HSPG2: variants seen among roughly 807,000 people sequenced by gnomAD.
HSPG2 encodes the protein heparan sulfate proteoglycan 2.
In HSPG2, 278 loss-of-function variants were observed where a neutral mutation model predicts 526.6. The observed-to-expected ratio is 0.53, with a 90% confidence interval of 0.48 to 0.58. HSPG2 has a LOEUF of 0.58. HSPG2 is among the 20% of genes least tolerant of loss of function. HSPG2 has a pLI of 0.00. For synonymous variants in HSPG2, 2,465 were observed against 2,555.4 expected (o/e 0.96, Z 1.07); for missense variants, 5,354 against 6,099.5 (o/e 0.88, Z 4.07).
intron 1 of HSPG2, chr1:21,908,569 T>A: frequency 1.3e-6 from 1 of 779,584 alleles, no homozygotes; most frequent in Non-Finnish European, 2.3e-6. Flanking sequence ...TCTCTATGAA[T>A]TCACGGCATA....
Position 21,888,007 on chromosome 1 carries a change from A to C in HSPG2, c.634T>G (p.Cys212Gly). 1 of 1,613,896 alleles carries C rather than the reference A, an allele frequency of 6.2e-7. No individual in the cohort carries two copies. The highest frequency in any genetic ancestry group is 8.5e-7 in the Non-Finnish European group (1 of 1,179,950). ...AEFACHSYNE[C>G]VALEYRCDRR... The stretch of plus-strand genomic sequence containing the variant: ...TCACAGCGATACTCCAGGGCCACAC[A>C]CTCATTGTAGCTGTGGCAGGCAAAC... Residue 212 changes from cysteine to glycine, a missense_variant, in exon 7 of 97, where the codon TGT (cysteine) becomes GGT (glycine). Coordinates refer to ENST00000374695, the MANE Select transcript of HSPG2 (RefSeq NM_005529.7).
chr1:21,861,709 TCCA>T (rs1557737769), intron 39 of HSPG2, 45 bp downstream of exon 39: 1 of 1,522,522 alleles, frequency 6.6e-7, no homozygotes, highest in Admixed American at 1.7e-5. Flanking sequence ...CACTTGGGAG[TCCA>T]CCATTTGTCC....
intron 1 of HSPG2, among the ~76,000 whole-genome samples, chr1:21,924,241 C>T (rs952317670): frequency 2.6e-5 from 4 of 152,186 alleles, no homozygotes; most frequent in Non-Finnish European, 5.9e-5. Context: ...GTGGAAGCTG[C>T]CTCCAGCGTC....
At chr1:21,933,928 G>A (rs35620292) in intron 1 of HSPG2, among the ~76,000 whole-genome samples, 1,691 of 152,320 alleles carry the variant, frequency 0.011, 21 homozygotes, top group South Asian at 0.025. Flanking sequence ...CCCCAGTGAG[G>A]AAATCCAGCT....
At chr1:21,852,611 C>T (rs554362098) in intron 52 of HSPG2, 89 bp downstream of exon 52, 2 of 1,574,140 alleles carry the variant, frequency 1.3e-6, no homozygotes, top group South Asian at 1.1e-5. Context: ...GGGCCTTCTG[C>T]CCTGTCAGCA....
Position 21,855,694 on chromosome 1 carries a change from G to T in HSPG2, c.5702-19C>A. The T allele has an allele frequency of 6.3e-7, 1 of 1,585,042 alleles. No homozygotes were observed. Among genetic ancestry groups the T allele is most frequent in the Non-Finnish European group, 8.6e-7 (1 of 1,167,846 alleles). On this transcript the variant is annotated intron_variant, in intron 45 of 96. Coordinates refer to ENST00000374695, the MANE Select transcript of HSPG2 (RefSeq NM_005529.7). ...GGGCCCCCTGACGAGTAGACGTGGG[G>T]TCAGCACCCACCAAGCCTGCTCAGA...
rs1212584866 is a variant in HSPG2 at position 21,874,935 on chromosome 1, C to T, written c.3370G>A (p.Glu1124Lys). 1.2e-6 allele frequency: 2 copies of T among 1,613,000 alleles called. No individual in the cohort carries two copies. Among genetic ancestry groups the T allele is most frequent in the South Asian group, 2.2e-5 (2 of 90,802 alleles). Residue 1124 changes from glutamate (E) to lysine (K), a missense_variant, in exon 26 of 97, where the codon GAA becomes AAA. By Grantham distance (56) the Glu-to-Lys change is moderately conservative. Coordinates refer to ENST00000374695, the MANE Select transcript of HSPG2 (RefSeq NM_005529.7). ...ETGQDPALEV[E>K]QCSCPPGYRG... ...TACCCGGGTGGGCAGGAGCACTGTT[C>T]CACTTCCAGCGCGGGGTCCTGGCCG...
chr1:21,823,771 G>C (rs373736996), intron 95 of HSPG2, 52 bp from the exon 96 acceptor site: 1 of 1,420,268 alleles, frequency 7.0e-7, no homozygotes. Context: ...GGTCCTCCCC[G>C]GCCCCACGAC....
rs372259670 is a variant in HSPG2 at position 21,851,845 on chromosome 1, C to T, written c.6952G>A (p.Glu2318Lys). Residue 2318 changes from glutamate to lysine, a missense_variant, in exon 54 of 97, where the codon GAG becomes AAG. By Grantham distance (56) the Glu-to-Lys change is moderately conservative. Transcript: ENST00000374695. ...GTTACTGTGACCGTGATGGAGGCCT[C>T]CATGCCGTTGCTGGCCCGGCAGACG... is the stretch of plus-strand genomic sequence containing the variant. ...QYVCRASNGM[E>K]ASITVTVTGT... The T allele has an allele frequency of 6.8e-5, 109 of 1,613,390 alleles. No homozygotes were observed. Among genetic ancestry groups the T allele is most frequent in the Middle Eastern group, 1.6e-4 (1 of 6,084 alleles).
intron 3 of HSPG2, among the ~76,000 whole-genome samples, chr1:21,892,351 G>T (rs1166966940): frequency 6.6e-6 from 1 of 152,262 alleles, no homozygotes; most frequent in Non-Finnish European, 1.5e-5. Context: ...CAGCGCGGGC[G>T]AGGAGGCCGG....
At position 21,836,972 on chromosome 1, in the gene HSPG2, T is replaced by G; in HGVS notation, c.10185A>C (p.Pro3395=). The G allele has an allele frequency of 1.3e-6, 2 of 1,554,230 alleles. No individual in the cohort carries two copies. The highest frequency in any genetic ancestry group is 1.7e-6 in the Non-Finnish European group (2 of 1,148,962). The stretch of plus-strand genomic sequence containing the variant: ...CCTGCACGGTGGGCGTGGACCCTGC[T>G]GGGATGGAGGTGGCAGGGAGAGAGC... ...PPGSLPATSI[P]AGSTPTVQVT... is the part of the protein sequence containing the mutation. The change falls in exon 75 of 97, where the codon CCA becomes CCC. Residue 3395 remains proline (P), a synonymous_variant. Coordinates refer to ENST00000374695, the MANE Select transcript of HSPG2 (RefSeq NM_005529.7).
chr1:21,839,779 C>A lies in HSPG2; in HGVS notation c.9709+43G>T, dbSNP rs1572183977. The A allele has an allele frequency of 4.4e-6, 7 of 1,601,264 alleles. No individual in the cohort carries two copies. The highest frequency in any genetic ancestry group is 6.0e-6 in the Non-Finnish European group (7 of 1,172,254). ...TGTGTCTACATTTCAGACCCCAGGG[C>A]ATCCCTGCCCTGCCAGCCCTATGTG... On this transcript the variant is annotated intron_variant, in intron 72 of 96. Coordinates refer to ENST00000374695, the MANE Select transcript of HSPG2 (RefSeq NM_005529.7). The surrounding 1 kb of genome is among the most constrained non-coding windows in gnomAD (Gnocchi z 4.5).
chr1:21,859,871 G>A lies in HSPG2; in HGVS notation c.5146C>T (p.Arg1716Trp), dbSNP rs769854672. The stretch of plus-strand genomic sequence containing the variant: ...TGCTGGGTGCCGCTGGGCACAGGCC[G>A]CCCATCCTCACGGGACCAATAGAAG... ...HYFYWSREDG[R>W]PVPSGTQQRH... The change falls in exon 41 of 97, where the codon CGG (arginine) becomes TGG (tryptophan). Residue 1716 changes from arginine to tryptophan, a missense_variant. Transcript: ENST00000374695. This position sits in a 1 kb window ranked among gnomAD's most constrained non-coding sequence, Gnocchi z 5.3. 6.8e-6 allele frequency: 11 copies of A among 1,611,236 alleles called. No individual in the cohort carries two copies. The highest frequency in any genetic ancestry group is 2.7e-5 in the African/African-American group (2 of 74,906).
Position 21,876,422 on chromosome 1 carries a change from G to A in HSPG2, c.2827-17C>T. The stretch of plus-strand genomic sequence containing the variant: ...CCCATGCAACTGGGAGGAGGAGAAA[G>A]GGCTGGGATGGGGGCCGTGGCCTGG... On this transcript the variant is annotated splice_polypyrimidine_tract_variant and intron_variant, in intron 22 of 96. Transcript: ENST00000374695. 1 of 1,610,320 alleles carries A rather than the reference G, an allele frequency of 6.2e-7. No individual in the cohort carries two copies. Among genetic ancestry groups the A allele is most frequent in the Non-Finnish European group, 8.5e-7 (1 of 1,178,284 alleles).
rs748516523 is a variant in HSPG2, at chr1:21,824,092, C to T, written c.12899+29G>A. Reference sequence around the variant, plus strand: ...TGCCCCACTCCAGAACGCTGGGCCCCATCCCGAGTGCCCGGCAGGGTCCCT... The same window carrying T: ...TGCCCCACTCCAGAACGCTGGGCCCTATCCCGAGTGCCCGGCAGGGTCCCT... On this transcript the variant is annotated intron_variant, in intron 95 of 96. Coordinates refer to ENST00000374695, the MANE Select transcript of HSPG2 (RefSeq NM_005529.7). The surrounding 1 kb of genome is among the most constrained non-coding windows in gnomAD (Gnocchi z 5.9). The T allele has an allele frequency of 6.3e-7, 1 of 1,596,886 alleles. No individual in the cohort carries two copies. Among genetic ancestry groups the T allele is most frequent in the Non-Finnish European group, 8.6e-7 (1 of 1,168,268 alleles).
At chr1:21,933,028 G>T (rs1412218451) in intron 1 of HSPG2, among the ~76,000 whole-genome samples, 6 of 152,060 alleles carry the variant, frequency 3.9e-5, no homozygotes, top group Non-Finnish European at 7.4e-5. Context: ...AGACCTGCCT[G>T]GGGGAACATG....
At chr1:21,863,594 T>C (rs1290136957) in intron 37 of HSPG2, among the ~76,000 whole-genome samples, 2 of 148,988 alleles carry the variant, frequency 1.3e-5, no homozygotes, top group African/African-American at 5.0e-5. Context: ...AAAATATATG[T>C]AATGAGGCCA....
chr1:21,829,286 C>T (rs1007178346), intron 87 of HSPG2, 97 bp downstream of exon 87: 4 of 1,434,710 alleles, frequency 2.8e-6, no homozygotes, highest in Non-Finnish European at 2.9e-6. Context: ...TGCCCTGATC[C>T]CTGCATTTAT....
At chr1:21,933,554 CCTT>C (rs1644402205) in intron 1 of HSPG2, among the ~76,000 whole-genome samples, 1 of 152,234 alleles carries the variant, frequency 6.6e-6, no homozygotes, top group African/African-American at 2.4e-5. Context: ...CCTCCTGCCA[CCTT>C]CTTTCCACCG....
Sources: gnomAD v4.1 joint callset for allele counts (sites outside exome capture counted in the v4.1 genomes callset) on GRCh38, gnomAD v4.1.1 for gene constraint, Gnocchi (gnomAD v3.1) non-coding constraint, MANE v1.5 for transcripts, NCBI Gene and HGNC (gene_info 2026-07-23, HGNC 2026-07-21) for gene names.